The following KIF15 variants were observed in gnomAD, a reference collection of about 807,000 sequenced individuals.
KIF15 encodes the protein kinesin family member 15.
In KIF15, 140 loss-of-function variants were observed where a neutral mutation model predicts 190.6. That is an observed-to-expected ratio of 0.73 (90% confidence interval 0.64 to 0.84). The LOEUF is 0.84. Among genes scored for constraint, KIF15 ranks in the 40% least tolerant of loss-of-function variants. The pLI is 0.00. For missense variants in KIF15, 1,372 were observed against 1,584.4 expected (o/e 0.87, Z 2.28); for synonymous variants, 528 against 551.3 (o/e 0.96, Z 0.59).
chr3:44,786,344 AG>A, intron 6 of KIF15, 50 bp from the exon 7 acceptor site: 5 of 1,432,314 alleles, frequency 3.5e-6, no homozygotes, highest in South Asian at 1.5e-5. Flanking sequence ...CATGAAAACT[AG>A]GTATGAACAC....
chr3:44,802,228 G>A (rs927939474), intron 13 of KIF15, among the ~76,000 whole-genome samples: 3 of 152,192 alleles, frequency 2.0e-5, no homozygotes, highest in Admixed American at 2.0e-4. Context: ...TCACCCAGTG[G>A]GCAGTTGTGG....
At position 44,800,436 on chromosome 3, in the gene KIF15, A is replaced by C; in HGVS notation, c.1221A>C (p.Arg407Ser). ...CACCACCAGAAAGCTTCCTGACCAG[A>C]GGTAGGATGAGCACACAGTCCTTTA... ...GQTPPESFLT[R>S]DKKKTNYMEY... The change falls in exon 11 of 35, where the codon AGA becomes AGC. Residue 407 changes from arginine to serine, a missense_variant and splice_region_variant. Coordinates refer to ENST00000326047, the MANE Select transcript of KIF15 (RefSeq NM_020242.3). The C allele has an allele frequency of 6.2e-7, 1 of 1,613,658 alleles. No individual in the cohort carries two copies. Among genetic ancestry groups the C allele is most frequent in the African/African-American group, 1.3e-5 (1 of 74,996 alleles).
chr3:44,771,748 C>T (rs1575575282), intron 1 of KIF15, among the ~76,000 whole-genome samples: 1 of 152,154 alleles, frequency 6.6e-6, no homozygotes, highest in African/African-American at 2.4e-5. Flanking sequence ...CCTTGTTGTG[C>T]TTTTATTTCA....
At chr3:44,828,423 A>G in intron 24 of KIF15, 123 bp downstream of exon 24, 2 of 647,064 alleles carry the variant, frequency 3.1e-6, no homozygotes, top group Middle Eastern at 5.0e-4. Context: ...ATATTTCTAT[A>G]TGCAGTTAAG....
intron 27 of KIF15, among the ~76,000 whole-genome samples, chr3:44,838,701 T>C (rs949995986): frequency 6.7e-6 from 1 of 149,928 alleles, no homozygotes; most frequent in African/African-American, 2.5e-5. Context: ...TGAGCCAAGA[T>C]TGCACCACTG....
At chr3:44,820,843 C>T (rs1490748979) in intron 20 of KIF15, among the ~76,000 whole-genome samples, 4 of 152,234 alleles carry the variant, frequency 2.6e-5, no homozygotes, top group African/African-American at 9.6e-5. Flanking sequence ...GTCATCATGG[C>T]CCGTTCTCAA....
chr3:44,825,958 T>C (rs1697614186), intron 20 of KIF15, 81 bp from the exon 21 acceptor site: 3 of 1,269,560 alleles, frequency 2.4e-6, no homozygotes, highest in South Asian at 2.8e-5. Flanking sequence ...GTAGATGAGA[T>C]AAATTGAACT....
At position 44,841,243 on chromosome 3, in the gene KIF15, T is replaced by C. The variant is rs1559587579; in HGVS notation, c.3585+5T>C. 1 of 1,590,064 alleles carries C rather than the reference T, an allele frequency of 6.3e-7. No homozygotes were observed. The highest frequency in any genetic ancestry group is 1.4e-5 in the African/African-American group (1 of 72,966). ...GCTGAAATCCTCAGAATGAAGGTAATTGGATTTTTTTTCCAGTAAATTTAA... is the reference window on the plus strand; with the variant it reads ...GCTGAAATCCTCAGAATGAAGGTAACTGGATTTTTTTTCCAGTAAATTTAA... On this transcript the variant is annotated splice_donor_5th_base_variant and intron_variant, in intron 29 of 34. Coordinates refer to ENST00000326047, the MANE Select transcript of KIF15 (RefSeq NM_020242.3).
At chr3:44,807,147 G>A (rs1445629159) in intron 16 of KIF15, among the ~76,000 whole-genome samples, 2 of 152,148 alleles carry the variant, frequency 1.3e-5, no homozygotes, top group Non-Finnish European at 2.9e-5. Context: ...ATTTTTAGTA[G>A]TGGTGCTTTT....
At position 44,775,286 on chromosome 3, in the gene KIF15, G is replaced by T. The variant is rs201923210; in HGVS notation, c.95G>T (p.Arg32Leu). The T allele has an allele frequency of 6.2e-7, 1 of 1,613,360 alleles. No individual in the cohort carries two copies. The stretch of plus-strand genomic sequence containing the variant: ...GGTGATGCCATCAAAGTTTTTGTGC[G>T]AATTCGTCCTCCTGCAGAAAGATCT... ...NEGDAIKVFV[R>L]IRPPAERSGS... The change falls in exon 3 of 35, where the codon CGA (arginine) becomes CTA (leucine). Residue 32 changes from arginine to leucine, a missense_variant. Coordinates refer to ENST00000326047, the MANE Select transcript of KIF15 (RefSeq NM_020242.3).
intron 30 of KIF15, 25 bp downstream of exon 30, chr3:44,843,259 A>G (rs750347496): frequency 4.5e-5 from 68 of 1,500,176 alleles, no homozygotes; most frequent in Middle Eastern, 3.4e-4. Context: ...CGAGAACTCT[A>G]TGGGCTAAAT....
intron 30 of KIF15, among the ~76,000 whole-genome samples, chr3:44,845,493 T>C (rs1334841721): frequency 6.6e-6 from 1 of 151,960 alleles, no homozygotes; most frequent in African/African-American, 2.4e-5. Flanking sequence ...AGAAGAAACT[T>C]TGGAGACAGA....
intron 3 of KIF15, among the ~76,000 whole-genome samples, chr3:44,776,990 ATTTTTTT>A (rs371067828): frequency 1.5e-4 from 17 of 116,836 alleles, no homozygotes; most frequent in Middle Eastern, 4.9e-3. Flanking sequence ...AACATCACAG[ATTTTTTT>A]TTTTTTTTTT....
intron 2 of KIF15, 74 bp downstream of exon 2, chr3:44,774,511 T>G (rs987556573): frequency 2.7e-5 from 34 of 1,278,124 alleles, no homozygotes; most frequent in Non-Finnish European, 3.8e-5. Context: ...CCATTTAGCA[T>G]AGTAAAGAGT....
chr3:44,837,750 C>A (rs1199182958), intron 26 of KIF15, among the ~76,000 whole-genome samples: 1 of 152,044 alleles, frequency 6.6e-6, no homozygotes, highest in African/African-American at 2.4e-5. Context: ...TGTATGCAAC[C>A]TATAGGACTT....
At position 44,775,174 on chromosome 3, in the gene KIF15, T is replaced by C. The variant is rs1176158700; in HGVS notation, c.63-80T>C. ...GGAGAAACTCATTATAGAAACATTATAGGCAATATGAGACTTGGATCCTTT... is the reference window on the plus strand; with the variant it reads ...GGAGAAACTCATTATAGAAACATTACAGGCAATATGAGACTTGGATCCTTT... On this transcript the variant is annotated intron_variant, in intron 2 of 34. Transcript: ENST00000326047. 1.7e-5 allele frequency: 18 copies of C among 1,084,454 alleles called. No individual in the cohort carries two copies. In the East Asian group the frequency reaches 4.0e-4, roughly 24 times the overall value. The allele number at this position is 1,084,454 out of a possible 1,614,324, so 67.2% of individuals were successfully genotyped here.
rs370664971 is a variant in KIF15, at chr3:44,861,761, C to G, written c.*59+8967C>G. 2.0e-5 allele frequency: 15 copies of G among 745,870 alleles called. No homozygotes were observed. The East Asian group carries it at 3.3e-4, about 16-fold the overall frequency. The allele number at this position is 745,870 out of a possible 1,614,324, so 46.2% of individuals were successfully genotyped here. ...CGGAGGCCGCCACAGCCCAGGGTCT[C>G]TGCCACCTGGCCCGCCCCCTCCGAG... On this transcript the variant is annotated intron_variant and NMD_transcript_variant, in intron 6 of 6. Coordinates refer to the KIF15 transcript ENST00000422209.
intron 7 of KIF15, among the ~76,000 whole-genome samples, chr3:44,793,056 C>T: frequency 6.6e-6 from 1 of 152,140 alleles, no homozygotes; most frequent in East Asian, 1.9e-4. Flanking sequence ...ATCTCAGGCC[C>T]CACCTCACAC....
At chr3:44,860,376 C>T (rs1381396098) in intron 6 of KIF15, among the ~76,000 whole-genome samples, 2 of 151,530 alleles carry the variant, frequency 1.3e-5, no homozygotes, top group Non-Finnish European at 2.9e-5. Context: ...TGAAATTATC[C>T]GTGTTTTTTT....
Sources: allele counts gnomAD v4.1 joint callset (sites outside exome capture counted in the v4.1 genomes callset), GRCh38; gene constraint gnomAD v4.1.1; transcripts MANE v1.5; gene names NCBI Gene and HGNC (gene_info 2026-07-23, HGNC 2026-07-21).